The following MAST4 variants were observed in gnomAD, a reference collection of about 807,000 sequenced individuals.
MAST4 encodes the protein microtubule-associated serine/threonine-protein kinase 4.
In MAST4, 89 loss-of-function variants were observed where a neutral mutation model predicts 162.7. That is an observed-to-expected ratio of 0.55 (90% confidence interval 0.46 to 0.65). MAST4 has a LOEUF of 0.65. Among genes scored for constraint, MAST4 ranks in the 30% least tolerant of loss-of-function variants. The pLI is 0.00. For missense variants in MAST4, 3,153 were observed against 3,374.0 expected, an observed-to-expected ratio of 0.93 and a Z score of 1.62; for synonymous variants, 1,479 against 1,361.1, an observed-to-expected ratio of 1.09 and a Z score of -1.91.
At chr5:67,078,816 TTTTATA>T (rs1459912621) in intron 5 of MAST4, among the ~76,000 whole-genome samples, 1 of 104,406 alleles carries the variant, frequency 9.6e-6, no homozygotes, top group Non-Finnish European at 1.8e-5. Flanking sequence ...ATATTTATAT[TTTTATA>T]TTTATATTTA....
chr5:66,948,600 C>T (rs913710893), intron 4 of MAST4, among the ~76,000 whole-genome samples: 1 of 152,106 alleles, frequency 6.6e-6, no homozygotes, highest in Non-Finnish European at 1.5e-5. Context: ...TTGGTACTCA[C>T]AAGCCATGTC....
In MAST4 at chr5:67,166,738, C is replaced by A. The variant is rs1461695027; in HGVS notation, c.7559C>A (p.Ser2520Tyr). Residue 2520 changes from serine to tyrosine, a missense_variant, in exon 29 of 29, where the codon TCC becomes TAC. This residue lies in a region of MAST4 where 1,644 missense variants were observed against 1,495.0 expected (regional missense o/e 1.10). Coordinates refer to ENST00000403625, the MANE Select transcript of MAST4 (RefSeq NM_001164664.2). ...CGAACCCACATGACAAAGAGTGACT[C>A]CCTGCCCTCCTTCCGGGTCTCCACC... The part of the protein sequence containing the change: ...EGRTHMTKSD[S>Y]LPSFRVSTLP... The A allele has an allele frequency of 2.5e-6, 4 of 1,591,344 alleles. No homozygotes were observed. In the African/African-American group the frequency reaches 5.4e-5, roughly 21 times the overall value.
intron 3 of MAST4, among the ~76,000 whole-genome samples, chr5:66,831,168 A>G (rs1032774528): frequency 4.6e-5 from 7 of 152,204 alleles, no homozygotes; most frequent in Non-Finnish European, 1.0e-4. Context: ...TATTCTCTAT[A>G]ACATTCCATA....
intron 4 of MAST4, among the ~76,000 whole-genome samples, chr5:66,946,237 G>C (rs1274084527): frequency 6.6e-6 from 1 of 152,152 alleles, no homozygotes; most frequent in East Asian, 1.9e-4. Context: ...AAATAAGTCA[G>C]AGGAAGGAAT....
intron 5 of MAST4, among the ~76,000 whole-genome samples, chr5:67,065,916 G>A (rs915925922): frequency 6.6e-6 from 1 of 152,156 alleles, no homozygotes; most frequent in African/African-American, 2.4e-5. Context: ...TTGTCATGAA[G>A]TGTTCAGGTG....
intron 14 of MAST4, among the ~76,000 whole-genome samples, chr5:67,125,187 T>G (rs1768067194): frequency 6.6e-6 from 1 of 152,156 alleles, no homozygotes; most frequent in Admixed American, 6.5e-5. Flanking sequence ...CTGTCAGTAT[T>G]TTAAATTCTA....
intron 4 of MAST4, chr5:67,004,064 C>A (rs761240038): frequency 6.6e-6 from 1 of 152,270 alleles, no homozygotes; most frequent in Non-Finnish European, 1.5e-5. Context: ...AATCACAGGT[C>A]GGCCTCAGGT....
intron 3 of MAST4, among the ~76,000 whole-genome samples, chr5:66,798,059 C>T (rs929552418): frequency 6.6e-6 from 1 of 152,106 alleles, no homozygotes; most frequent in South Asian, 2.1e-4. Context: ...TTAAGCTAGT[C>T]TTTTTAATTT....
chr5:66,649,693 C>A lies in MAST4; in HGVS notation c.363+52675C>A, dbSNP rs1005213191. On this transcript the variant is annotated intron_variant, in intron 1 of 28. Transcript: ENST00000403625. ...TAACACCCTGCCTTTGTTCTTTCTG[C>A]TGCCTCTTAGCACTCTGGACCATTC... 2.0e-4 allele frequency among the ~76,000 whole-genome samples: 31 copies of A among 152,160 alleles called. 1 individual carries two copies. Among genetic ancestry groups the A allele is most frequent in the Non-Finnish European group, 4.0e-4 (27 of 68,028 alleles).
At chr5:66,877,974 T>C (rs574054863) in intron 3 of MAST4, among the ~76,000 whole-genome samples, 7 of 152,336 alleles carry the variant, frequency 4.6e-5, no homozygotes, top group African/African-American at 1.7e-4. Flanking sequence ...TCATTGATTT[T>C]TTTACTACAG....
At chr5:67,025,529 A>G (rs1359486010) in intron 4 of MAST4, among the ~76,000 whole-genome samples, 1 of 152,184 alleles carries the variant, frequency 6.6e-6, no homozygotes. Flanking sequence ...CCAGGTCAGA[A>G]GTTCTCTGGT....
intron 1 of MAST4, among the ~76,000 whole-genome samples, chr5:66,757,217 G>T (rs1209200081): frequency 6.6e-6 from 1 of 152,134 alleles, no homozygotes; most frequent in African/African-American, 2.4e-5. Flanking sequence ...TGAAAAATAA[G>T]TAGCAGATGC....
chr5:66,741,781 T>C (rs1029462068), intron 1 of MAST4, among the ~76,000 whole-genome samples: 1 of 152,154 alleles, frequency 6.6e-6, no homozygotes, highest in African/African-American at 2.4e-5. Context: ...ATGATACTCA[T>C]GGTCAGGGGA....
intron 3 of MAST4, among the ~76,000 whole-genome samples, chr5:66,859,964 C>T (rs1759978485): frequency 6.6e-6 from 1 of 152,200 alleles, no homozygotes; most frequent in African/African-American, 2.4e-5. Flanking sequence ...CAAAACATCT[C>T]AGCATACTTG....
intron 5 of MAST4, among the ~76,000 whole-genome samples, chr5:67,066,609 C>A (rs1389724869): frequency 6.6e-6 from 1 of 152,058 alleles, no homozygotes; most frequent in African/African-American, 2.4e-5. Context: ...AGTGCCATAA[C>A]TGCCTCCCCC....
chr5:66,737,205 A>G (rs1382889795), intron 1 of MAST4, among the ~76,000 whole-genome samples: 2 of 152,212 alleles, frequency 1.3e-5, no homozygotes, highest in African/African-American at 4.8e-5. Context: ...TGATGGTTTG[A>G]CTGGGGCTGC....
chr5:66,978,796 A>T (rs560047561), intron 4 of MAST4, among the ~76,000 whole-genome samples: 1 of 152,336 alleles, frequency 6.6e-6, no homozygotes, highest in African/African-American at 2.4e-5. Flanking sequence ...CATTGGAAAT[A>T]GACTATAGTG....
rs1749926796 is a variant in MAST4, at chr5:66,990,256, C to G, written c.675-64148C>G. Among the ~76,000 whole-genome samples, 6 of 152,102 alleles carry G rather than the reference C, an allele frequency of 3.9e-5. No individual in the cohort carries two copies. The South Asian group carries it at 1.2e-3, about 32-fold the overall frequency. On this transcript the variant is annotated intron_variant, in intron 4 of 28. Transcript: ENST00000403625. ...TCCTATGAGGTAAGTACTACTATTC[C>G]CATTTTACAGAATAGGAAACTAAGG...
chr5:66,700,796 TATATAC>T (rs768301012), intron 1 of MAST4, among the ~76,000 whole-genome samples: 4,496 of 116,776 alleles, frequency 0.039, 97 homozygotes, highest in Middle Eastern at 0.067. Context: ...TATATATATA[TATATAC>T]ACACACACAC....
Sources: allele counts gnomAD v4.1 joint callset (sites outside exome capture counted in the v4.1 genomes callset), GRCh38; gene constraint gnomAD v4.1.1; regional missense constraint gnomAD v4.1.1; transcripts MANE v1.5; gene names NCBI Gene and HGNC (gene_info 2026-07-23, HGNC 2026-07-21).